The following MAGI1 variants were observed in gnomAD, a reference collection of about 807,000 sequenced individuals.
MAGI1 encodes the protein membrane-associated guanylate kinase, WW and PDZ domain-containing protein 1.
MAGI1 carries 58 observed loss-of-function variants against 139.9 expected under a neutral mutation model. The observed-to-expected ratio is 0.41, with a 90% confidence interval of 0.34 to 0.52. The LOEUF (loss-of-function observed/expected upper bound fraction) is 0.52, where lower values mean the gene tolerates loss of function less well. Among genes scored for constraint, MAGI1 ranks in the 20% least tolerant of loss-of-function variants. The probability of loss-of-function intolerance (pLI) is 0.12; values close to 1 mark genes in which losing one functional copy is unlikely to be tolerated. For missense variants in MAGI1, 1,874 were observed against 1,901.6 expected (o/e 0.99, Z 0.27); for synonymous variants, 812 against 737.9 (o/e 1.10, Z -1.63).
chr3:65,815,971 G>C (rs1379540390), intron 1 of MAGI1, among the ~76,000 whole-genome samples: 2 of 152,168 alleles, frequency 1.3e-5, no homozygotes, highest in Non-Finnish European at 2.9e-5. Flanking sequence ...GAAAAGAAAG[G>C]TACTAAGTTC....
At chr3:65,729,119 ACGGGGG>A (rs1442833547) in intron 1 of MAGI1, among the ~76,000 whole-genome samples, 2 of 8,280 alleles carry the variant, frequency 2.4e-4, no homozygotes, top group Non-Finnish European at 1.2e-3. Flanking sequence ...AAAAAATGGA[ACGGGGG>A]GGGGGGGGGG....
intron 1 of MAGI1, among the ~76,000 whole-genome samples, chr3:65,731,058 C>A (rs1010158560): frequency 1.6e-4 from 24 of 152,120 alleles, no homozygotes; most frequent in Non-Finnish European, 3.4e-4. Flanking sequence ...AAGGTAACCA[C>A]CGTGCAACAG....
intron 1 of MAGI1, among the ~76,000 whole-genome samples, chr3:65,716,061 CA>C (rs1168230623): frequency 1.3e-5 from 2 of 152,176 alleles, no homozygotes; most frequent in Admixed American, 6.5e-5. Context: ...AATTATATTC[CA>C]AAAAAATCGT....
chr3:65,771,505 T>A (rs72908253), intron 1 of MAGI1, among the ~76,000 whole-genome samples: 2,097 of 152,276 alleles, frequency 0.014, 44 homozygotes, highest in African/African-American at 0.047. Context: ...GAAAATTTTA[T>A]AACTGTGTAA....
chr3:65,691,786 G>C (rs1283988982), intron 1 of MAGI1, among the ~76,000 whole-genome samples: 1 of 152,148 alleles, frequency 6.6e-6, no homozygotes, highest in African/African-American at 2.4e-5. Flanking sequence ...TTCTGTATTT[G>C]AGACTGCTGT....
intron 2 of MAGI1, chr3:65,597,925 T>TGGGGGGGGGG (rs57059846): frequency 1.8e-5 from 7 of 396,996 alleles, no homozygotes; most frequent in East Asian, 7.8e-5. Context: ...GAGGCGGGGG[T>TGGGGGGGGGG]GGGGGGGGGG....
Position 65,552,926 on chromosome 3 carries a change from G to A in MAGI1, c.431-59295C>T, listed in dbSNP as rs538355833. 8.5e-5 allele frequency among the ~76,000 whole-genome samples: 13 copies of A among 152,226 alleles called. No individual in the cohort carries two copies. In the East Asian group the frequency reaches 1.5e-3, roughly 18 times the overall value. Reference sequence around the variant, plus strand: ...TGTCTCCTGTTCACAGATGGTAAACGTAAAATTTCTCCAGGAGAGGGAATT... The same window carrying A: ...TGTCTCCTGTTCACAGATGGTAAACATAAAATTTCTCCAGGAGAGGGAATT... On this transcript the variant is annotated intron_variant, in intron 2 of 22. Coordinates refer to ENST00000402939, the MANE Select transcript of MAGI1 (RefSeq NM_001033057.2).
chr3:65,994,052 T>C (rs1459552888), intron 1 of MAGI1, among the ~76,000 whole-genome samples: 1 of 152,012 alleles, frequency 6.6e-6, no homozygotes, highest in African/African-American at 2.4e-5. Context: ...GATGGGCAGA[T>C]CACTAAAGGT....
chr3:65,510,419 G>A (rs1484233820), intron 2 of MAGI1, among the ~76,000 whole-genome samples: 2 of 148,866 alleles, frequency 1.3e-5, no homozygotes, highest in Non-Finnish European at 3.0e-5. Flanking sequence ...AAATTTAGAA[G>A]AATGTATAAC....
At position 66,038,096 on chromosome 3, in the gene MAGI1, C is replaced by G. The variant is rs778423242; in HGVS notation, c.213G>C (p.Leu71=). The G allele has an allele frequency of 1.9e-6, 3 of 1,613,068 alleles. No homozygotes were observed. In the East Asian group the frequency reaches 6.7e-5, roughly 36 times the overall value. The change falls in exon 1 of 23, where the codon CTG becomes CTC. Residue 71 remains leucine, a synonymous_variant. Transcript: ENST00000402939. ...GPRLGEGELL[L]EVQGVRVSGL... ...CGGACACCCGGACCCCCTGCACCTC[C>G]AGAAGCAGCTCCCCTTCGCCCAGCC...
At chr3:65,922,640 G>C (rs978162664) in intron 1 of MAGI1, among the ~76,000 whole-genome samples, 1 of 152,188 alleles carries the variant, frequency 6.6e-6, no homozygotes, top group Non-Finnish European at 1.5e-5. Context: ...ATACATTTCT[G>C]ATGTTTTAAG....
chr3:65,615,249 C>G (rs1440295989), intron 2 of MAGI1, among the ~76,000 whole-genome samples: 1 of 152,030 alleles, frequency 6.6e-6, no homozygotes, highest in East Asian at 1.9e-4. Context: ...TAATAAATCA[C>G]CCCCAAAATT....
chr3:65,721,421 T>C (rs766454376), intron 1 of MAGI1, among the ~76,000 whole-genome samples: 4 of 152,166 alleles, frequency 2.6e-5, no homozygotes, highest in Non-Finnish European at 4.4e-5. Flanking sequence ...CAGGATAAGG[T>C]GCATGAATTA....
rs781422454 is a variant in MAGI1 at position 65,391,125 on chromosome 3, G to T, written c.2416+17C>A. The stretch of plus-strand genomic sequence containing the variant: ...GCGGAGGGGTCAGGGTAAGACAGAG[G>T]CCAGGATGCTACTCACGTCGGTTTT... On this transcript the variant is annotated intron_variant, in intron 14 of 22. Coordinates refer to ENST00000402939, the MANE Select transcript of MAGI1 (RefSeq NM_001033057.2). 3.7e-6 allele frequency: 6 copies of T among 1,610,140 alleles called. No homozygotes were observed. Among genetic ancestry groups the T allele is most frequent in the Non-Finnish European group, 5.1e-6 (6 of 1,176,470 alleles).
chr3:65,477,015 G>T (rs952756731), intron 4 of MAGI1, among the ~76,000 whole-genome samples: 15 of 152,046 alleles, frequency 9.9e-5, no homozygotes, highest in Admixed American at 3.3e-4. Context: ...AGCTAAAAGG[G>T]GAAACTCAGA....
At chr3:65,784,768 GAAT>G (rs2039248172) in intron 1 of MAGI1, among the ~76,000 whole-genome samples, 1 of 152,108 alleles carries the variant, frequency 6.6e-6, no homozygotes, top group African/African-American at 2.4e-5. Flanking sequence ...TCAAACCACG[GAAT>G]AATATTTGGG....
rs141649381 is a variant in MAGI1 at position 65,783,228 on chromosome 3, C to A, written c.314-161140G>T. Among the ~76,000 whole-genome samples, 12 of 152,132 alleles carry A rather than the reference C, an allele frequency of 7.9e-5. No homozygotes were observed. The Middle Eastern group carries it at 0.01, about 129-fold the overall frequency. On this transcript the variant is annotated intron_variant, in intron 1 of 22. Coordinates refer to ENST00000402939, the MANE Select transcript of MAGI1 (RefSeq NM_001033057.2). Reference sequence around the variant, plus strand: ...AGGACAAATATTTTAACAGATATTTCTTTAAAGAAGGCATACAAGGGACCA... The same window carrying A: ...AGGACAAATATTTTAACAGATATTTATTTAAAGAAGGCATACAAGGGACCA...
At chr3:65,952,730 C>T (rs1211086315) in intron 1 of MAGI1, among the ~76,000 whole-genome samples, 1 of 152,152 alleles carries the variant, frequency 6.6e-6, no homozygotes, top group Non-Finnish European at 1.5e-5. Flanking sequence ...AGGAGAATGG[C>T]GTGAACCCAG....
intron 1 of MAGI1, among the ~76,000 whole-genome samples, chr3:65,630,587 G>A (rs1463921417): frequency 6.6e-6 from 1 of 152,160 alleles, no homozygotes; most frequent in Non-Finnish European, 1.5e-5. Flanking sequence ...TGAAGCTGGA[G>A]GCCATTATTC....
Sources: allele counts gnomAD v4.1 joint callset (sites outside exome capture counted in the v4.1 genomes callset), GRCh38; gene constraint gnomAD v4.1.1; transcripts MANE v1.5; gene names NCBI Gene and HGNC (gene_info 2026-07-23, HGNC 2026-07-21).